MDN1: variants seen among roughly 807,000 people sequenced by gnomAD.
The protein encoded by MDN1 is midasin AAA ATPase 1.
A neutral mutation model predicts 669.2 loss-of-function variants in MDN1; 266 were observed. That is an observed-to-expected ratio of 0.40 (90% CI 0.36 to 0.44). The LOEUF is 0.44. Ranked by LOEUF, MDN1 falls within the 20% of genes least tolerant of loss-of-function variation. The pLI is 1.00. For missense variants in MDN1, 5,940 were observed against 6,754.0 expected (o/e 0.88, Z 4.22); for synonymous variants, 2,385 against 2,457.1 (o/e 0.97, Z 0.87).
chr6:89,646,464 G>A, intron 100 of MDN1, 76 bp downstream of exon 100: 1 of 1,254,278 alleles, frequency 8.0e-7, no homozygotes, highest in Non-Finnish European at 1.2e-6. Flanking sequence ...CGGGGACACT[G>A]AGCTGAAGCA....
At chr6:89,762,259 T>TTGTAACTAATAGTAACTAA in intron 16 of MDN1, 60 bp downstream of exon 16, 7 of 1,380,006 alleles carry the variant, frequency 5.1e-6, no homozygotes, top group Non-Finnish European at 7.0e-6. Flanking sequence ...CCAAAACTAA[T>TTGTAACTAATAGTAACTAA]ATGTTAACTA....
chr6:89,769,411 A>G (rs1192251010), intron 15 of MDN1, among the ~76,000 whole-genome samples: 1 of 152,200 alleles, frequency 6.6e-6, no homozygotes, highest in Non-Finnish European at 1.5e-5. Context: ...AAACTGAGAA[A>G]AGGCTCGGTG....
At chr6:89,750,565 A>G (rs773868901) in intron 23 of MDN1, 33 bp from the exon 24 acceptor site, 5 of 1,570,906 alleles carry the variant, frequency 3.2e-6, no homozygotes, top group Non-Finnish European at 4.3e-6. Context: ...GCAACTTAAA[A>G]CAACAAAAAA....
At chr6:89,729,789 T>A (rs1333057927) in intron 35 of MDN1, among the ~76,000 whole-genome samples, 1 of 143,478 alleles carries the variant, frequency 7.0e-6, no homozygotes, top group East Asian at 2.3e-4. Flanking sequence ...TCTAGGCCAC[T>A]AGCATGTATC....
At chr6:89,802,716 T>C (rs1767746448) in intron 2 of MDN1, among the ~76,000 whole-genome samples, 1 of 151,814 alleles carries the variant, frequency 6.6e-6, no homozygotes, top group Non-Finnish European at 1.5e-5. Flanking sequence ...AAGAAAGAAA[T>C]GTCCTATTGG....
intron 13 of MDN1, among the ~76,000 whole-genome samples, chr6:89,773,413 G>T (rs185897247): frequency 1.7e-4 from 26 of 151,898 alleles, no homozygotes; most frequent in Admixed American, 5.3e-4. Context: ...GGTGGTGGAT[G>T]CCTGCAGTTC....
At chr6:89,758,441 C>G in intron 18 of MDN1, 90 bp from the exon 19 acceptor site, 3 of 1,045,796 alleles carry the variant, frequency 2.9e-6, no homozygotes, top group East Asian at 2.6e-5. Flanking sequence ...GCTGGCTGCT[C>G]ACACCATCCT....
At chr6:89,780,007 A>T (rs1023236966) in intron 11 of MDN1, among the ~76,000 whole-genome samples, 2 of 152,052 alleles carry the variant, frequency 1.3e-5, no homozygotes, top group Non-Finnish European at 2.9e-5. Flanking sequence ...TGGAGGCTGC[A>T]GTGACCTGAG....
chr6:89,781,289 T>C (rs995697081), intron 10 of MDN1, 110 bp downstream of exon 10: 1 of 1,023,118 alleles, frequency 9.8e-7, no homozygotes, highest in Non-Finnish European at 1.5e-6. Context: ...AGGCGGAGGT[T>C]GGAGTGAGCC....
rs1339862658 is a variant in MDN1 at position 89,692,816 on chromosome 6, A to G, written c.10214T>C (p.Leu3405Ser). 1 of 1,614,212 alleles carries G rather than the reference A, an allele frequency of 6.2e-7. No homozygotes were observed. Residue 3405 changes from leucine to serine, a missense_variant, in exon 63 of 102, where the codon TTG (leucine) becomes TCG (serine). Coordinates refer to ENST00000369393, the MANE Select transcript of MDN1 (RefSeq NM_014611.3). The part of the protein sequence containing the change: ...DAVSPLQASI[L>S]QLQHGMRLVA... ...CAGCCTCATGCCATGTTGTAACTGC[A>G]ATATGGATGCCTGCAGTGGGCTCAC... is the stretch of plus-strand genomic sequence containing the variant.
intron 1 of MDN1, among the ~76,000 whole-genome samples, chr6:89,810,193 TG>T (rs563970448): frequency 1.3e-5 from 2 of 150,590 alleles, no homozygotes; most frequent in South Asian, 4.2e-4. Context: ...CCCAGCATTT[TG>T]GGAGGCTGAG....
intron 26 of MDN1, 133 bp from the exon 27 acceptor site, chr6:89,747,603 A>T (rs1816703581): frequency 5.4e-6 from 6 of 1,112,410 alleles, no homozygotes; most frequent in Non-Finnish European, 7.4e-6. Flanking sequence ...AATAAGATTA[A>T]TTTTTTGGCC....
At chr6:89,648,977 A>C (rs1329044492) in intron 97 of MDN1, among the ~76,000 whole-genome samples, 7 of 148,636 alleles carry the variant, frequency 4.7e-5, no homozygotes, top group African/African-American at 1.7e-4. Context: ...CAACAGAGCA[A>C]GACCCTGTCT....
chr6:89,682,919 C>T (rs139227115), intron 73 of MDN1, among the ~76,000 whole-genome samples: 18 of 149,906 alleles, frequency 1.2e-4, no homozygotes, highest in East Asian at 7.8e-4. Flanking sequence ...GGCAATAGCA[C>T]GAGAATCTGT....
At chr6:89,661,952 C>A (rs1809798502) in intron 87 of MDN1, 135 bp downstream of exon 87, 3 of 1,014,740 alleles carry the variant, frequency 3.0e-6, no homozygotes, top group Non-Finnish European at 1.4e-6. Flanking sequence ...GCCTCTGTTG[C>A]ATATTCTTTT....
At position 89,648,259 on chromosome 6, in the gene MDN1, C is replaced by CCCTT; in HGVS notation, c.16276_16277insAAGG (p.Cys5426Ter). ...AGGAATTACAAAGCAACCTTACCTA[C>CCCTT]ACACTGCAATCTGACCCACTTCCAG... is the stretch of plus-strand genomic sequence containing the variant. On this transcript the variant is annotated stop_gained and frameshift_variant, in exon 98 of 102. Transcript: ENST00000369393. LOFTEE classifies it high-confidence loss of function. 1 of 1,613,990 alleles carries CCCTT rather than the reference C, an allele frequency of 6.2e-7. No individual in the cohort carries two copies. Among genetic ancestry groups the CCCTT allele is most frequent in the Non-Finnish European group, 8.5e-7 (1 of 1,179,848 alleles).
chr6:89,703,400 T>C lies in MDN1; in HGVS notation c.8149-1339A>G, dbSNP rs574011571. Among the ~76,000 whole-genome samples the C allele has an allele frequency of 3.1e-3, 464 of 151,956 alleles. 1 individual carries two copies. Among genetic ancestry groups the C allele is most frequent in the African/African-American group, 0.011 (445 of 41,458 alleles). On this transcript the variant is annotated intron_variant, in intron 53 of 101. Transcript: ENST00000369393. Reference sequence around the variant, plus strand: ...GGGGGTCTATCTGTGAATCCTCTGTTTTATTGGTTTAAATGTCTATTCTTA... The same window carrying C: ...GGGGGTCTATCTGTGAATCCTCTGTCTTATTGGTTTAAATGTCTATTCTTA...
chr6:89,672,751 T>G, intron 80 of MDN1, 49 bp from the exon 81 acceptor site: 1 of 1,584,900 alleles, frequency 6.3e-7, no homozygotes, highest in Non-Finnish European at 8.6e-7. Flanking sequence ...AAGACACCAA[T>G]CATTTGCTTT....
At chr6:89,790,599 GGAA>G (rs2128326515) in intron 5 of MDN1, among the ~76,000 whole-genome samples, 198 bp from the exon 6 acceptor site, 1 of 152,298 alleles carries the variant, frequency 6.6e-6, no homozygotes, top group East Asian at 1.9e-4. Flanking sequence ...CTCAGCTACT[GGAA>G]GTGCTGAGGT....
Sources: gnomAD v4.1 joint callset for allele counts (sites outside exome capture counted in the v4.1 genomes callset) on GRCh38, gnomAD v4.1.1 for gene constraint, MANE v1.5 for transcripts, NCBI Gene and HGNC (gene_info 2026-07-23, HGNC 2026-07-21) for gene names.